CMTM7: variants seen among roughly 807,000 people sequenced by gnomAD.
The protein encoded by CMTM7 is CKLF like MARVEL transmembrane domain containing 7, also known as CKLF-like MARVEL transmembrane domain-containing protein 7.
Under a neutral mutation model 19.3 loss-of-function variants are expected in CMTM7, and 7 were observed. That is an observed-to-expected ratio of 0.36 (90% CI 0.21 to 0.68). The LOEUF (loss-of-function observed/expected upper bound fraction) is 0.68, where lower values mean the gene tolerates loss of function less well. Among genes scored for constraint, CMTM7 ranks in the 30% least tolerant of loss-of-function variants. The probability of loss-of-function intolerance (pLI) is 0.60; values close to 1 mark genes in which losing one functional copy is unlikely to be tolerated. For synonymous variants in CMTM7, 87 were observed against 99.3 expected (o/e 0.88, Z 0.74); for missense variants, 193 against 232.6 (o/e 0.83, Z 1.11).
intron 1 of CMTM7, among the ~76,000 whole-genome samples, chr3:32,401,083 C>T (rs138425299): frequency 6.6e-6 from 1 of 152,136 alleles, no homozygotes; most frequent in Non-Finnish European, 1.5e-5. Context: ...AGTATTTAAG[C>T]TGTAATCATA....
chr3:32,448,685 G>A (rs901178562), intron 2 of CMTM7, among the ~76,000 whole-genome samples: 3 of 152,028 alleles, frequency 2.0e-5, no homozygotes, highest in African/African-American at 4.8e-5. Flanking sequence ...GGGCCAAGGC[G>A]AGAAGCAAAG....
intron 1 of CMTM7, among the ~76,000 whole-genome samples, chr3:32,396,648 A>G (rs1439414786): frequency 6.6e-6 from 1 of 152,120 alleles, no homozygotes; most frequent in African/African-American, 2.4e-5. Context: ...GATGAGTGTG[A>G]GGGGGCAAGG....
At chr3:32,422,398 T>C (rs1409557784) in intron 1 of CMTM7, among the ~76,000 whole-genome samples, 1 of 152,204 alleles carries the variant, frequency 6.6e-6, no homozygotes, top group Non-Finnish European at 1.5e-5. Context: ...CCCCACAGCT[T>C]CTCCAAATAT....
At chr3:32,412,125 A>G (rs1048677121) in intron 1 of CMTM7, among the ~76,000 whole-genome samples, 2 of 152,182 alleles carry the variant, frequency 1.3e-5, no homozygotes, top group African/African-American at 2.4e-5. Flanking sequence ...ACCATAGCTA[A>G]CTGTCTCGTA....
At chr3:32,438,517 G>C (rs948202782) in intron 1 of CMTM7, among the ~76,000 whole-genome samples, 1 of 151,474 alleles carries the variant, frequency 6.6e-6, no homozygotes, top group Non-Finnish European at 1.5e-5. Flanking sequence ...TGCTGGCTAA[G>C]ATGCTGGCTA....
At chr3:32,424,467 G>A (rs75226498) in intron 1 of CMTM7, among the ~76,000 whole-genome samples, 3,979 of 152,244 alleles carry the variant, frequency 0.026, 126 homozygotes, top group African/African-American at 0.077. Flanking sequence ...TATGAGACTA[G>A]AAGTATCGCT....
chr3:32,450,870 C>G (rs2125644382), intron 3 of CMTM7: 1 of 152,270 alleles, frequency 6.6e-6, no homozygotes, highest in African/African-American at 2.4e-5. Context: ...GTCTGTGTGC[C>G]TAGGACCAAA....
intron 1 of CMTM7, among the ~76,000 whole-genome samples, chr3:32,392,898 GT>G (rs1695861606): frequency 6.6e-6 from 1 of 152,114 alleles, no homozygotes; most frequent in Admixed American, 6.5e-5. Flanking sequence ...CTCCCCTCCC[GT>G]TTTTTTCTTC....
rs1379030109 is a variant in CMTM7, at chr3:32,448,631, T to G, written c.334-823T>G. On this transcript the variant is annotated intron_variant, in intron 2 of 4. Coordinates refer to ENST00000334983, the MANE Select transcript of CMTM7 (RefSeq NM_138410.4). ...TCTCATCCAGGGCCTGCAAGGATGC[T>G]GATTAATCATGATGAGTGAGTGGGG... is the stretch of plus-strand genomic sequence containing the variant. Among the ~76,000 whole-genome samples the G allele has an allele frequency of 4.6e-5, 7 of 152,176 alleles. No homozygotes were observed. In the East Asian group the frequency reaches 1.3e-3, roughly 29 times the overall value.
At chr3:32,429,937 T>G (rs187350225) in intron 1 of CMTM7, among the ~76,000 whole-genome samples, 56 of 152,282 alleles carry the variant, frequency 3.7e-4, no homozygotes, top group African/African-American at 1.3e-3. Flanking sequence ...ATGGAAAATT[T>G]CAGCTATGCA....
intron 1 of CMTM7, among the ~76,000 whole-genome samples, chr3:32,408,766 ATAT>A (rs1696126675): frequency 1.5e-4 from 23 of 152,306 alleles, no homozygotes; most frequent in Admixed American, 1.1e-3. Flanking sequence ...GCCCAAAAAC[ATAT>A]GTATTAAAGT....
chr3:32,408,460 C>G (rs567837427), intron 1 of CMTM7, among the ~76,000 whole-genome samples: 1 of 152,326 alleles, frequency 6.6e-6, no homozygotes, highest in African/African-American at 2.4e-5. Flanking sequence ...CTCAGAATGG[C>G]AATGACATCT....
chr3:32,399,312 A>T (rs1392236164), intron 1 of CMTM7, among the ~76,000 whole-genome samples: 1 of 148,770 alleles, frequency 6.7e-6, no homozygotes, highest in Admixed American at 6.7e-5. Context: ...TATTACATAT[A>T]CATCTTATTC....
chr3:32,420,741 G>A (rs975862543), intron 1 of CMTM7, among the ~76,000 whole-genome samples: 2 of 152,238 alleles, frequency 1.3e-5, no homozygotes, highest in African/African-American at 2.4e-5. Flanking sequence ...CCAGAGAGCA[G>A]GTGGGAGAGG....
At chr3:32,401,486 G>A (rs1258036575) in intron 1 of CMTM7, among the ~76,000 whole-genome samples, 1 of 152,210 alleles carries the variant, frequency 6.6e-6, no homozygotes, top group Admixed American at 6.5e-5. Flanking sequence ...TAGAGACCCC[G>A]GCCCCGCAAG....
At chr3:32,398,725 T>C (rs1695955037) in intron 1 of CMTM7, among the ~76,000 whole-genome samples, 1 of 151,708 alleles carries the variant, frequency 6.6e-6, no homozygotes, top group South Asian at 2.1e-4. Context: ...GGCTCATGCC[T>C]GTAATCTCAG....
intron 1 of CMTM7, among the ~76,000 whole-genome samples, chr3:32,428,723 C>G (rs1283060748): frequency 6.6e-6 from 1 of 152,226 alleles, no homozygotes; most frequent in African/African-American, 2.4e-5. Context: ...CTTTTCTCTA[C>G]CAAGTTGATC....
intron 2 of CMTM7, among the ~76,000 whole-genome samples, chr3:32,442,439 G>T (rs1223599372): frequency 1.4e-5 from 2 of 146,996 alleles, no homozygotes; most frequent in African/African-American, 2.5e-5. Context: ...GGCGGAGCTT[G>T]CAGTGAGCCG....
rs114161174 is a variant in CMTM7 at position 32,449,301 on chromosome 3, C to A, written c.334-153C>A. 8.8e-3 allele frequency among the ~76,000 whole-genome samples: 1,343 copies of A among 152,264 alleles called. 12 individuals carry two copies. Among genetic ancestry groups the A allele is most frequent in the African/African-American group, 0.03 (1,239 of 41,534 alleles). Reference sequence around the variant, plus strand: ...GGTCAGCCCGCATGTTGGCTGCCTGCGAGCGGCTCTGCTCATCCCATTTGC... The same window carrying A: ...GGTCAGCCCGCATGTTGGCTGCCTGAGAGCGGCTCTGCTCATCCCATTTGC... On this transcript the variant is annotated intron_variant, in intron 2 of 4. Transcript: ENST00000334983. The surrounding 1 kb of genome is among the most constrained non-coding windows in gnomAD (Gnocchi z 4.5).
Sources: gnomAD v4.1 joint callset for allele counts (sites outside exome capture counted in the v4.1 genomes callset) on GRCh38, gnomAD v4.1.1 for gene constraint, Gnocchi (gnomAD v3.1) non-coding constraint, MANE v1.5 for transcripts, NCBI Gene and HGNC (gene_info 2026-07-23, HGNC 2026-07-21) for gene names.